Variants in PRKCB observed in about 807,000 individuals in gnomAD.
The protein encoded by PRKCB is protein kinase C beta type.
Under a neutral mutation model 81.5 loss-of-function variants are expected in PRKCB, and 13 were observed. That is an observed-to-expected ratio of 0.16 (90% CI 0.10 to 0.25). PRKCB has a LOEUF of 0.25. PRKCB is among the 10% of genes least tolerant of loss of function. The probability of loss-of-function intolerance (pLI) is 1.00; values close to 1 mark genes in which losing one functional copy is unlikely to be tolerated. For synonymous variants in PRKCB, 335 were observed against 321.4 expected (o/e 1.04, Z -0.45); for missense variants, 509 against 875.7 (o/e 0.58, Z 5.29).
chr16:23,981,187 T>C (rs536828224), intron 2 of PRKCB, among the ~76,000 whole-genome samples: 2 of 152,280 alleles, frequency 1.3e-5, no homozygotes, highest in East Asian at 3.9e-4. Flanking sequence ...GCTGCCTTCC[T>C]TCTGGAGGCT....
intron 5 of PRKCB, among the ~76,000 whole-genome samples, chr16:24,048,001 A>G (rs540266551): frequency 4.1e-4 from 63 of 152,342 alleles, no homozygotes; most frequent in African/African-American, 1.5e-3. Flanking sequence ...GCTGACGCTT[A>G]CTGAGCCCTT....
At chr16:24,177,333 G>A (rs1426762405) in intron 12 of PRKCB, among the ~76,000 whole-genome samples, 1 of 152,054 alleles carries the variant, frequency 6.6e-6, no homozygotes, top group African/African-American at 2.4e-5. Flanking sequence ...CTATTCCAAA[G>A]CCCCTTTTCC....
intron 2 of PRKCB, among the ~76,000 whole-genome samples, chr16:23,904,073 A>G (rs772348692): frequency 2.0e-5 from 3 of 152,110 alleles, no homozygotes; most frequent in African/African-American, 7.2e-5. Flanking sequence ...TAGCTTGTCT[A>G]TTTCCTTGTG....
intron 2 of PRKCB, among the ~76,000 whole-genome samples, chr16:23,859,990 G>T (rs951928058): frequency 6.6e-6 from 1 of 152,114 alleles, no homozygotes; most frequent in Non-Finnish European, 1.5e-5. Context: ...AAATGGGTGG[G>T]AAATAAATGA....
chr16:24,078,904 A>C (rs1266403271), intron 5 of PRKCB, among the ~76,000 whole-genome samples: 2 of 152,160 alleles, frequency 1.3e-5, no homozygotes, highest in Non-Finnish European at 2.9e-5. Flanking sequence ...AACCTCCAAG[A>C]TTTCAAAGCT....
intron 5 of PRKCB, among the ~76,000 whole-genome samples, chr16:24,049,947 G>A (rs921520173): frequency 6.6e-6 from 1 of 152,148 alleles, no homozygotes; most frequent in Non-Finnish European, 1.5e-5. Flanking sequence ...TGCTGGAGAC[G>A]GGAAGATCTG....
chr16:23,863,077 G>A (rs1338916557), intron 2 of PRKCB, among the ~76,000 whole-genome samples: 2 of 146,336 alleles, frequency 1.4e-5, no homozygotes, highest in African/African-American at 5.0e-5. Flanking sequence ...ATATATATAT[G>A]ATTTATATAT....
At chr16:24,163,399 GA>G (rs1168545385) in intron 10 of PRKCB, among the ~76,000 whole-genome samples, 1 of 152,188 alleles carries the variant, frequency 6.6e-6, no homozygotes, top group African/African-American at 2.4e-5. Context: ...TTGAGTACAG[GA>G]AATGAATCAG....
chr16:24,070,032 C>T (rs1404804604), intron 5 of PRKCB, among the ~76,000 whole-genome samples: 1 of 152,170 alleles, frequency 6.6e-6, no homozygotes, highest in African/African-American at 2.4e-5. Flanking sequence ...AGTGTTAGGA[C>T]TGCTGTGCCA....
At position 23,990,768 on chromosome 16, in the gene PRKCB, G is replaced by A. The variant is rs141519387; in HGVS notation, c.288+2178G>A. Among the ~76,000 whole-genome samples the A allele has an allele frequency of 7.4e-4, 113 of 152,154 alleles. 1 individual carries two copies. Among genetic ancestry groups the A allele is most frequent in the Admixed American group, 2.4e-3 (37 of 15,282 alleles). Reference sequence around the variant, plus strand: ...TCCCTATGTTGCCCAGGCTGGTCTCGAATTCCTGGGCTGAAGCCCTCCTCC... The same window carrying A: ...TCCCTATGTTGCCCAGGCTGGTCTCAAATTCCTGGGCTGAAGCCCTCCTCC... On this transcript the variant is annotated intron_variant, in intron 3 of 16. Coordinates refer to ENST00000643927, the MANE Select transcript of PRKCB (RefSeq NM_002738.7).
At chr16:23,892,143 T>C (rs1318247903) in intron 2 of PRKCB, among the ~76,000 whole-genome samples, 1 of 152,238 alleles carries the variant, frequency 6.6e-6, no homozygotes, top group Non-Finnish European at 1.5e-5. Flanking sequence ...AAGATGTACC[T>C]GTTACTGGGA....
At chr16:24,009,581 C>T (rs1228642468) in intron 3 of PRKCB, among the ~76,000 whole-genome samples, 3 of 144,598 alleles carry the variant, frequency 2.1e-5, no homozygotes, top group South Asian at 2.3e-4. Flanking sequence ...GGAGCCACCA[C>T]GCCCGGCCTA....
chr16:24,213,965 T>C (rs898574568), intron 16 of PRKCB, among the ~76,000 whole-genome samples: 1 of 152,222 alleles, frequency 6.6e-6, no homozygotes, highest in Non-Finnish European at 1.5e-5. Flanking sequence ...ACATCCCTCC[T>C]TCCTAATTGA....
chr16:24,122,526 T>G (rs1966811944), intron 8 of PRKCB, among the ~76,000 whole-genome samples: 1 of 148,516 alleles, frequency 6.7e-6, no homozygotes, highest in Non-Finnish European at 1.5e-5. Context: ...GTGGTGTGAT[T>G]ATAGCTCACA....
rs563176862 is a variant in PRKCB at position 23,966,669 on chromosome 16, A to G, written c.206-21839A>G. On this transcript the variant is annotated intron_variant, in intron 2 of 16. Coordinates refer to ENST00000643927, the MANE Select transcript of PRKCB (RefSeq NM_002738.7). ...CAAGCCCAACCATCTGCAGGAGACT[A>G]GAAGGGGACTTACATGAGTGAATTG... Among the ~76,000 whole-genome samples, 32 of 152,334 alleles carry G rather than the reference A, an allele frequency of 2.1e-4. No homozygotes were observed. In the East Asian group the frequency reaches 5.8e-3, roughly 28 times the overall value.
chr16:24,166,005 G>T (rs1596578017), intron 10 of PRKCB, among the ~76,000 whole-genome samples: 1 of 148,932 alleles, frequency 6.7e-6, no homozygotes, highest in South Asian at 2.2e-4. Context: ...TTGTGCCTCA[G>T]CCTTCCGAAT....
intron 2 of PRKCB, among the ~76,000 whole-genome samples, chr16:23,949,499 C>A (rs540554450): frequency 2.0e-5 from 3 of 152,362 alleles, no homozygotes; most frequent in African/African-American, 7.2e-5. Flanking sequence ...GGTCCAACTT[C>A]CTCCGTTCTG....
chr16:23,913,350 A>T (rs562005842), intron 2 of PRKCB, among the ~76,000 whole-genome samples: 2 of 152,172 alleles, frequency 1.3e-5, no homozygotes, highest in Admixed American at 1.3e-4. Context: ...AAAAAAAAAA[A>T]ATCTGACTGG....
At chr16:24,104,116 C>A (rs1335565041) in intron 7 of PRKCB, among the ~76,000 whole-genome samples, 2 of 152,160 alleles carry the variant, frequency 1.3e-5, no homozygotes, top group African/African-American at 4.8e-5. Context: ...AGGTCCAGAT[C>A]TTTTATACCT....
Sources: gnomAD v4.1 joint callset for allele counts (sites outside exome capture counted in the v4.1 genomes callset) on GRCh38, gnomAD v4.1.1 for gene constraint, MANE v1.5 for transcripts, NCBI Gene and HGNC (gene_info 2026-07-23, HGNC 2026-07-21) for gene names.